ETV1: variants seen among roughly 807,000 people sequenced by gnomAD.
ETV1 encodes the protein ETS translocation variant 1.
Under a neutral mutation model 62.3 loss-of-function variants are expected in ETV1, and 27 were observed. The observed-to-expected ratio is 0.43, with a 90% CI of 0.32 to 0.60. The LOEUF (loss-of-function observed/expected upper bound fraction) is 0.60. ETV1 is among the 20% of genes least tolerant of loss of function. ETV1 has a pLI of 0.06. For synonymous variants in ETV1, 222 were observed against 199.6 expected, an observed-to-expected ratio of 1.11 and a Z score of -0.94; for missense variants, 605 against 605.8, an observed-to-expected ratio of 1.00 and a Z score of 0.01.
intron 6 of ETV1, among the ~76,000 whole-genome samples, chr7:13,961,908 G>T (rs180977602): frequency 6.6e-6 from 1 of 152,052 alleles, no homozygotes; most frequent in East Asian, 1.9e-4. Flanking sequence ...ACAGCAAAAG[G>T]TCAAGTTGTT....
rs11542244 is a variant in ETV1, at chr7:13,894,186, T to A, written c.*1680A>T. 0.028 allele frequency: 6,381 copies of A among 231,688 alleles called. 122 individuals are homozygous for A. Among genetic ancestry groups the A allele is most frequent in the Middle Eastern group, 0.072 (56 of 782 alleles). The allele number at this position is 231,688 out of a possible 1,614,324, so 14.4% of individuals were successfully genotyped here. ...TTTTTTTTTGCTTTTTGCTATAGAC[T>A]CTTTAAAAAAGTTGTTCTTCTGGAT... On this transcript the variant is annotated 3_prime_UTR_variant, in exon 14 of 14. Coordinates refer to ENST00000430479, the MANE Select transcript of ETV1 (RefSeq NM_004956.5).
chr7:13,912,338 T>G (rs1268075877), intron 9 of ETV1, among the ~76,000 whole-genome samples: 2 of 152,304 alleles, frequency 1.3e-5, no homozygotes, highest in African/African-American at 2.4e-5. Context: ...ATGACAAAAT[T>G]AGCATAACCC....
At chr7:13,965,987 G>A (rs1790734856) in intron 6 of ETV1, among the ~76,000 whole-genome samples, 1 of 152,046 alleles carries the variant, frequency 6.6e-6, no homozygotes, top group African/African-American at 2.4e-5. Context: ...AACCGGGCAT[G>A]AACCATCCTC....
chr7:13,930,091 C>T (rs1209034000), intron 9 of ETV1, among the ~76,000 whole-genome samples: 1 of 152,140 alleles, frequency 6.6e-6, no homozygotes, highest in Non-Finnish European at 1.5e-5. Context: ...TTTCCACATC[C>T]ACAACCATCT....
intron 7 of ETV1, among the ~76,000 whole-genome samples, chr7:13,937,784 A>G (rs1786984165): frequency 6.6e-6 from 1 of 152,258 alleles, no homozygotes; most frequent in African/African-American, 2.4e-5. Flanking sequence ...ACCTTCTACA[A>G]GAGACCTTTT....
In ETV1 at chr7:13,893,652, A is replaced by C. The variant is rs1781533467; in HGVS notation, c.*2214T>G. The stretch of plus-strand genomic sequence containing the variant: ...AAAAGAAAAAAAAGGAACAAAAATG[A>C]ATCCTCAATACAGTTTTCATTCAGA... On this transcript the variant is annotated 3_prime_UTR_variant, in exon 14 of 14. Coordinates refer to ENST00000430479, the MANE Select transcript of ETV1 (RefSeq NM_004956.5). 4.3e-6 allele frequency: 1 copy of C among 232,794 alleles called. No individual in the cohort carries two copies. The highest frequency in any genetic ancestry group is 2.2e-5 in the African/African-American group (1 of 45,444). 14.4% of individuals were successfully genotyped at this position (232,794 alleles called of 1,614,324 possible).
Position 13,895,671 on chromosome 7 carries a change from C to G in ETV1, c.*195G>C. ...TTACACAGAATAAATGTTTAGATTA[C>G]TCCCACCCACCCTCAAATAAAGTGC... On this transcript the variant is annotated 3_prime_UTR_variant, in exon 14 of 14. Transcript: ENST00000430479. 1.8e-6 allele frequency: 1 copy of G among 569,366 alleles called. No individual in the cohort carries two copies. Among genetic ancestry groups the G allele is most frequent in the Non-Finnish European group, 3.1e-6 (1 of 319,788 alleles). 35.3% of individuals were successfully genotyped at this position (569,366 alleles called of 1,614,324 possible).
chr7:13,920,004 T>C (rs1326123445), intron 9 of ETV1, among the ~76,000 whole-genome samples: 1 of 152,124 alleles, frequency 6.6e-6, no homozygotes, highest in African/African-American at 2.4e-5. Flanking sequence ...CTTTACCCAC[T>C]TGAAATAAGC....
At chr7:13,980,149 A>G (rs371118925) in intron 5 of ETV1, among the ~76,000 whole-genome samples, 1 of 152,164 alleles carries the variant, frequency 6.6e-6, no homozygotes, top group East Asian at 1.9e-4. Context: ...TATGACTCAC[A>G]TTTTCACAGA....
At chr7:13,911,737 T>A (rs767673571) in intron 9 of ETV1, among the ~76,000 whole-genome samples, 7 of 152,192 alleles carry the variant, frequency 4.6e-5, no homozygotes, top group Non-Finnish European at 1.0e-4. Context: ...CTGTAAAATG[T>A]ATTATCAAAA....
chr7:13,945,366 T>C (rs1788031811), intron 6 of ETV1, among the ~76,000 whole-genome samples: 1 of 152,074 alleles, frequency 6.6e-6, no homozygotes, highest in South Asian at 2.1e-4. Flanking sequence ...CCCGCTCCAG[T>C]AGTTTTGAGA....
At chr7:13,935,001 A>T (rs1196866209) in intron 8 of ETV1, among the ~76,000 whole-genome samples, 1 of 152,204 alleles carries the variant, frequency 6.6e-6, no homozygotes, top group Non-Finnish European at 1.5e-5. Context: ...GCTGTATATT[A>T]AGGTAGTACA....
rs1562723895 is a variant in ETV1, at chr7:13,986,767, G to T, written c.134-82C>A. The T allele has an allele frequency of 4.9e-6, 5 of 1,020,158 alleles. No individual in the cohort carries two copies. In the East Asian group the frequency reaches 1.0e-4, roughly 21 times the overall value. 63.2% of individuals were successfully genotyped at this position (1,020,158 alleles called of 1,614,324 possible). On this transcript the variant is annotated intron_variant, in intron 4 of 13. Transcript: ENST00000430479. ...AATGGAAATATTTGTCATGAAATTG[G>T]TATTAAATATAAATTTAATTTCAAG...
intron 6 of ETV1, among the ~76,000 whole-genome samples, chr7:13,947,351 G>GA (rs1396422463): frequency 3.8e-5 from 2 of 52,804 alleles, no homozygotes; most frequent in Non-Finnish European, 7.6e-5. Context: ...AATTCTAATA[G>GA]AAAATACTAA....
Position 13,892,681 on chromosome 7 carries a change from T to C in ETV1, c.*3185A>G, listed in dbSNP as rs1781462703. 4.3e-6 allele frequency: 1 copy of C among 232,146 alleles called. No homozygotes were observed. The highest frequency in any genetic ancestry group is 8.5e-6 in the Non-Finnish European group (1 of 117,418). The allele number at this position is 232,146 out of a possible 1,614,324, so 14.4% of individuals were successfully genotyped here. On this transcript the variant is annotated 3_prime_UTR_variant, in exon 14 of 14. Coordinates refer to ENST00000430479, the MANE Select transcript of ETV1 (RefSeq NM_004956.5). ...GAGATTGTCCTGGATTATCTGAGCA[T>C]CCCCTAAATGTAATCACAAGCATCC...
At chr7:13,986,054 TAA>T in intron 5 of ETV1, 2 of 1,310,118 alleles carry the variant, frequency 1.5e-6, no homozygotes, top group South Asian at 1.3e-5. Flanking sequence ...AAAACATTTT[TAA>T]AATCCTCATA....
At chr7:13,903,059 A>G (rs575768773) in intron 12 of ETV1, among the ~76,000 whole-genome samples, 1 of 152,316 alleles carries the variant, frequency 6.6e-6, no homozygotes, top group Non-Finnish European at 1.5e-5. Context: ...CCACCAACTA[A>G]GAAAGTTCAT....
chr7:13,942,389 T>C (rs1187673630), intron 6 of ETV1, among the ~76,000 whole-genome samples: 1 of 152,172 alleles, frequency 6.6e-6, no homozygotes, highest in Non-Finnish European at 1.5e-5. Flanking sequence ...AAAGTGTGTA[T>C]TTCCAAGTTT....
chr7:13,901,594 C>T (rs574015728), intron 12 of ETV1, among the ~76,000 whole-genome samples: 1 of 152,210 alleles, frequency 6.6e-6, no homozygotes, highest in East Asian at 1.9e-4. Flanking sequence ...AAAAAAGATA[C>T]CCTGCTCAAT....
Sources: allele counts gnomAD v4.1 joint callset (sites outside exome capture counted in the v4.1 genomes callset), GRCh38; gene constraint gnomAD v4.1.1; transcripts MANE v1.5; gene names NCBI Gene and HGNC (gene_info 2026-07-23, HGNC 2026-07-21).